IRAK1BP1: variants seen among roughly 807,000 people sequenced by gnomAD.
IRAK1BP1 encodes interleukin-1 receptor-associated kinase 1-binding protein 1.
In IRAK1BP1, 24 loss-of-function variants were observed where a neutral mutation model predicts 28.0. The ratio of observed to expected loss-of-function variants is 0.86; its 90% CI spans 0.62 to 1.20. The LOEUF (loss-of-function observed/expected upper bound fraction) is 1.20, where lower values mean the gene tolerates loss of function less well. IRAK1BP1 is among the 50% of genes most tolerant of loss of function. The probability of loss-of-function intolerance (pLI) is 0.00; values close to 1 mark genes in which losing one functional copy is unlikely to be tolerated. For synonymous variants in IRAK1BP1, 131 were observed against 116.3 expected, an observed-to-expected ratio of 1.13 and a Z score of -0.81; for missense variants, 336 against 316.7, an observed-to-expected ratio of 1.06 and a Z score of -0.46.
chr6:78,965,888 G>C, the IRAK1BP1 span: 2 of 1,313,354 alleles, frequency 1.5e-6, no homozygotes, highest in Non-Finnish European at 2.2e-6. Flanking sequence ...TTAATAGATG[G>C]AAAAAAAAAT....
the IRAK1BP1 span, chr6:78,958,380 T>G: frequency 7.3e-6 from 6 of 820,010 alleles, no homozygotes; most frequent in Non-Finnish European, 1.2e-5. Context: ...CTTAAATGTT[T>G]CTTCTTTACA....
At chr6:78,936,690 C>A (rs1208919927) in intron 4 of IRAK1BP1, 1 of 151,856 alleles carries the variant, frequency 6.6e-6, no homozygotes, top group Non-Finnish European at 1.5e-5. Context: ...TTTCTACTCA[C>A]TGTTCTACTG....
In IRAK1BP1 at chr6:78,887,447, C is replaced by T. The variant is rs762368496; in HGVS notation, c.381+2004C>T. Among the ~76,000 whole-genome samples, 11 of 152,106 alleles carry T rather than the reference C, an allele frequency of 7.2e-5. No individual in the cohort carries two copies. The South Asian group carries it at 8.3e-4, about 11-fold the overall frequency. On this transcript the variant is annotated intron_variant, in intron 2 of 3. Transcript: ENST00000369940. ...TTGGGAGGTCGAGGTGGGCGGATCA[C>T]GAGGTCAGGAGTTCAAGACCAGCCT...
At chr6:78,882,096 C>T (rs1771250652) in intron 1 of IRAK1BP1, among the ~76,000 whole-genome samples, 1 of 152,062 alleles carries the variant, frequency 6.6e-6, no homozygotes, top group Admixed American at 6.6e-5. Context: ...TAGCAGTGAG[C>T]AGTCTCAGCA....
chr6:78,897,260 A>G (rs1303405491), intron 2 of IRAK1BP1, among the ~76,000 whole-genome samples: 1 of 150,732 alleles, frequency 6.6e-6, no homozygotes, highest in Non-Finnish European at 1.5e-5. Flanking sequence ...CTCTCTTAAA[A>G]AAAAAAAAAA....
In IRAK1BP1 at chr6:78,918,570, A is replaced by G. The variant is rs930300424; in HGVS notation, c.*67+15460A>G. On this transcript the variant is annotated intron_variant and NMD_transcript_variant, in intron 4 of 4. Coordinates refer to the IRAK1BP1 transcript ENST00000606868. ...TATCAGATAAAACAGACTTTAAGCCAAAAACAGTAAAAAAAAAAAAAAAAA... is the reference window on the plus strand; with the variant it reads ...TATCAGATAAAACAGACTTTAAGCCGAAAACAGTAAAAAAAAAAAAAAAAA... Among the ~76,000 whole-genome samples, 17 of 129,284 alleles carry G rather than the reference A, an allele frequency of 1.3e-4. No homozygotes were observed. The Admixed American group carries it at 1.4e-3, about 11-fold the overall frequency. The allele number at this position is 129,284 out of a possible 152,430, so 84.8% of individuals were successfully genotyped here. A position where few individuals can be genotyped will look rare whatever the true frequency, so the allele number is the denominator to read the frequency against.
chr6:78,896,108 G>T (rs2127653401), intron 2 of IRAK1BP1, among the ~76,000 whole-genome samples: 1 of 152,196 alleles, frequency 6.6e-6, no homozygotes, highest in South Asian at 2.1e-4. Context: ...AATAAATGGA[G>T]AAACACTTCT....
At chr6:78,961,078 T>C in the IRAK1BP1 span, among the ~76,000 whole-genome samples, 53 of 152,054 alleles carry the variant, frequency 3.5e-4, no homozygotes, top group African/African-American at 1.1e-3. Flanking sequence ...CAAAACATTT[T>C]AGGTAATAAT....
chr6:78,941,347 G>A (rs1221265068), intron 4 of IRAK1BP1: 1 of 1,585,612 alleles, frequency 6.3e-7, no homozygotes, highest in Non-Finnish European at 8.6e-7. Flanking sequence ...GGGAACAACA[G>A]TACACTTAAT....
chr6:78,889,745 G>T (rs1270165431), intron 2 of IRAK1BP1, among the ~76,000 whole-genome samples: 1 of 152,082 alleles, frequency 6.6e-6, no homozygotes, highest in Non-Finnish European at 1.5e-5. Flanking sequence ...AGTTAGAATG[G>T]CAATCTTTAA....
At chr6:78,938,955 T>G (rs1370759720) in intron 4 of IRAK1BP1, 1 of 151,740 alleles carries the variant, frequency 6.6e-6, no homozygotes, top group Non-Finnish European at 1.5e-5. Flanking sequence ...AGACTTTATT[T>G]TTCTACATCA....
At chr6:78,925,297 G>A (rs973877652) in intron 4 of IRAK1BP1, among the ~76,000 whole-genome samples, 1 of 151,890 alleles carries the variant, frequency 6.6e-6, no homozygotes, top group Non-Finnish European at 1.5e-5. Flanking sequence ...TTGTGGACAT[G>A]TACCCTAAAA....
chr6:78,973,796 TA>T, the IRAK1BP1 span, among the ~76,000 whole-genome samples: 1 of 151,466 alleles, frequency 6.6e-6, no homozygotes, highest in Non-Finnish European at 1.5e-5. Context: ...TACATAATGG[TA>T]AAGGGGTCAA....
At chr6:78,962,956 C>A in the IRAK1BP1 span, 1 of 662,926 alleles carries the variant, frequency 1.5e-6, no homozygotes, top group Non-Finnish European at 2.5e-6. Flanking sequence ...AGACCACATT[C>A]AAAAAGAGAT....
At chr6:78,939,522 C>A (rs1773389444) in intron 4 of IRAK1BP1, 1 of 151,660 alleles carries the variant, frequency 6.6e-6, no homozygotes, top group South Asian at 2.1e-4. Context: ...TATTTTTATT[C>A]TACTGCTATC....
At chr6:78,975,256 G>C in the IRAK1BP1 span, among the ~76,000 whole-genome samples, 1 of 152,130 alleles carries the variant, frequency 6.6e-6, no homozygotes, top group African/African-American at 2.4e-5. Context: ...CATATAAACA[G>C]AGCCAAAGAC....
intron 4 of IRAK1BP1, among the ~76,000 whole-genome samples, chr6:78,911,127 C>T (rs1006487506): frequency 2.6e-5 from 4 of 152,232 alleles, no homozygotes; most frequent in Admixed American, 2.6e-4. Context: ...CCTCTTTCCC[C>T]TAACTTCCTC....
chr6:78,884,461 T>C (rs953604604), intron 1 of IRAK1BP1, among the ~76,000 whole-genome samples: 2 of 152,132 alleles, frequency 1.3e-5, no homozygotes, highest in Non-Finnish European at 2.9e-5. Flanking sequence ...TTGTCAGTAT[T>C]ATATGCCTTG....
chr6:78,872,153 G>T (rs1562073627), intron 1 of IRAK1BP1: 1 of 697,564 alleles, frequency 1.4e-6, no homozygotes, highest in Non-Finnish European at 2.6e-6. Context: ...TTCCACCCTG[G>T]TTCCTAGAGT....
Sources: gnomAD v4.1 joint callset for allele counts (sites outside exome capture counted in the v4.1 genomes callset) on GRCh38, gnomAD v4.1.1 for gene constraint, MANE v1.5 for transcripts, NCBI Gene and HGNC (gene_info 2026-07-23, HGNC 2026-07-21) for gene names.